FRMD4A: variants seen among roughly 807,000 people sequenced by gnomAD.
FRMD4A encodes the protein FERM domain containing 4A.
A neutral mutation model predicts 129.1 loss-of-function variants in FRMD4A; 29 were observed. The ratio of observed to expected loss-of-function variants is 0.22; its 90% CI spans 0.17 to 0.31. The LOEUF is 0.31. Among genes scored for constraint, FRMD4A ranks in the 10% least tolerant of loss-of-function variants. The pLI is 1.00. For missense variants in FRMD4A, 1,272 were observed against 1,375.8 expected, an observed-to-expected ratio of 0.92 and a Z score of 1.19; for synonymous variants, 634 against 571.6, an observed-to-expected ratio of 1.11 and a Z score of -1.56.
At chr10:14,214,298 T>G (rs1843011721) in intron 2 of FRMD4A, among the ~76,000 whole-genome samples, 1 of 152,158 alleles carries the variant, frequency 6.6e-6, no homozygotes, top group Non-Finnish European at 1.5e-5. Context: ...ACACAGATCT[T>G]CAAACCCCAA....
chr10:14,082,044 G>A (rs1021250558), intron 2 of FRMD4A, among the ~76,000 whole-genome samples: 2 of 152,130 alleles, frequency 1.3e-5, no homozygotes, highest in African/African-American at 2.4e-5. Context: ...GTCAGAGATC[G>A]AGACCATTCT....
chr10:14,178,905 T>G (rs547590894), intron 2 of FRMD4A, among the ~76,000 whole-genome samples: 3 of 152,230 alleles, frequency 2.0e-5, no homozygotes, highest in African/African-American at 7.2e-5. Flanking sequence ...TTGTGGTAGG[T>G]GGACTTCTCA....
At chr10:13,679,909 G>A (rs983303420) in intron 15 of FRMD4A, among the ~76,000 whole-genome samples, 1 of 152,134 alleles carries the variant, frequency 6.6e-6, no homozygotes, top group African/African-American at 2.4e-5. Flanking sequence ...AGCTCAAAGG[G>A]CGTCAGGAGA....
At chr10:14,206,429 G>A (rs529758298) in intron 2 of FRMD4A, among the ~76,000 whole-genome samples, 15 of 152,148 alleles carry the variant, frequency 9.9e-5, no homozygotes, top group Non-Finnish European at 2.1e-4. Flanking sequence ...CTGTCCTGTG[G>A]TTCCTTTTAT....
At chr10:13,673,530 A>C (rs1046017627) in intron 16 of FRMD4A, among the ~76,000 whole-genome samples, 1 of 151,860 alleles carries the variant, frequency 6.6e-6, no homozygotes. Flanking sequence ...TGCCCTGGAG[A>C]GCTCCCACCC....
intron 14 of FRMD4A, among the ~76,000 whole-genome samples, chr10:13,699,227 T>TTTC (rs1554850771): frequency 2.5e-5 from 3 of 120,438 alleles, no homozygotes; most frequent in Non-Finnish European, 5.5e-5. Flanking sequence ...GGTTATTGTT[T>TTTC]TTTTTTTTTT....
intron 2 of FRMD4A, among the ~76,000 whole-genome samples, chr10:14,020,906 A>C (rs1301009268): frequency 6.6e-6 from 1 of 152,156 alleles, no homozygotes; most frequent in East Asian, 1.9e-4. Flanking sequence ...CAGGCGACTT[A>C]AAACAGATGC....
chr10:14,011,798 C>T (rs575955589), intron 2 of FRMD4A, among the ~76,000 whole-genome samples: 31 of 152,210 alleles, frequency 2.0e-4, no homozygotes, highest in African/African-American at 7.0e-4. Context: ...CACCTGAGGT[C>T]AGGAGTTCAA....
chr10:14,167,514 G>T (rs1448567639), intron 2 of FRMD4A, among the ~76,000 whole-genome samples: 2 of 133,736 alleles, frequency 1.5e-5, no homozygotes, highest in African/African-American at 5.5e-5. Context: ...TCCAGCCTGG[G>T]TGACAGAGCA....
At chr10:13,816,390 T>G (rs780189010) in intron 3 of FRMD4A, among the ~76,000 whole-genome samples, 25 of 152,214 alleles carry the variant, frequency 1.6e-4, no homozygotes, top group Non-Finnish European at 1.5e-4. Flanking sequence ...TGGATGGGCA[T>G]GTAGTGAGAG....
chr10:13,671,345 T>C (rs185722352), intron 16 of FRMD4A, among the ~76,000 whole-genome samples: 2 of 152,148 alleles, frequency 1.3e-5, no homozygotes, highest in African/African-American at 2.4e-5. Context: ...TCCCAGCTAC[T>C]TGGGAAGCTG....
chr10:14,255,264 G>A (rs1844568300), intron 2 of FRMD4A, among the ~76,000 whole-genome samples: 1 of 152,162 alleles, frequency 6.6e-6, no homozygotes, highest in Non-Finnish European at 1.5e-5. Context: ...GGACCAAGCT[G>A]AAAGCCAGAC....
intron 3 of FRMD4A, among the ~76,000 whole-genome samples, chr10:13,819,696 C>A (rs926258470): frequency 1.4e-5 from 2 of 145,292 alleles, no homozygotes; most frequent in Non-Finnish European, 3.0e-5. Context: ...ATTATATTGT[C>A]TCCTTTTTTT....
intron 2 of FRMD4A, among the ~76,000 whole-genome samples, chr10:14,289,839 C>T (rs542738440): frequency 8.7e-4 from 133 of 152,024 alleles, no homozygotes; most frequent in African/African-American, 3.1e-3. Context: ...AGATGATATG[C>T]TCTTATATAC....
intron 12 of FRMD4A, among the ~76,000 whole-genome samples, chr10:13,710,886 C>T (rs867782969): frequency 6.6e-6 from 1 of 152,066 alleles, no homozygotes; most frequent in African/African-American, 2.4e-5. Flanking sequence ...TAGTGGTGGG[C>T]ACCTGTAGTC....
At chr10:13,708,684 CTTAGCGGAGTCTA>C (rs1444689751) in intron 12 of FRMD4A, among the ~76,000 whole-genome samples, 1 of 152,242 alleles carries the variant, frequency 6.6e-6, no homozygotes, top group Non-Finnish European at 1.5e-5. Flanking sequence ...TCAACAGCGC[CTTAGCGGAGTCTA>C]TTACTAAAAT....
In FRMD4A at chr10:13,702,450, G is replaced by T. The variant is rs373028818; in HGVS notation, c.837-972C>A. On this transcript the variant is annotated intron_variant, in intron 13 of 24. Coordinates refer to ENST00000357447, the MANE Select transcript of FRMD4A (RefSeq NM_018027.5). Reference sequence around the variant, plus strand: ...GTTCATCTCCACATTCATGGAGTTAGGGGGAGTTATATGGTCATGCTCTTA... The same window carrying T: ...GTTCATCTCCACATTCATGGAGTTATGGGGAGTTATATGGTCATGCTCTTA... Among the ~76,000 whole-genome samples, 10 of 152,252 alleles carry T rather than the reference G, an allele frequency of 6.6e-5. No homozygotes were observed. In the East Asian group the frequency reaches 1.5e-3, roughly 24 times the overall value.
intron 2 of FRMD4A, among the ~76,000 whole-genome samples, chr10:14,052,553 A>G (rs1200111294): frequency 1.3e-5 from 2 of 151,948 alleles, no homozygotes; most frequent in Non-Finnish European, 2.9e-5. Flanking sequence ...AGGAGGTGCC[A>G]GGCTCTTTTC....
rs1204469001 is a variant in FRMD4A at position 13,796,590 on chromosome 10, TG to T, written c.207-3del. ...AGCTGAAGCCAGTTTAAGTGTCCCC[TG>T]AAGAAAATAGAGACAAATTGGTTAG... On this transcript the variant is annotated splice_polypyrimidine_tract_variant and splice_region_variant and intron_variant, in intron 4 of 24. Transcript: ENST00000357447. The T allele has an allele frequency of 2.7e-5, 42 of 1,554,644 alleles. No homozygotes were observed. The highest frequency in any genetic ancestry group is 3.6e-5 in the Non-Finnish European group (41 of 1,126,152).
Sources: gnomAD v4.1 joint callset for allele counts (sites outside exome capture counted in the v4.1 genomes callset) on GRCh38, gnomAD v4.1.1 for gene constraint, MANE v1.5 for transcripts, NCBI Gene and HGNC (gene_info 2026-07-23, HGNC 2026-07-21) for gene names.